The following GABRB3 variants were observed in gnomAD, a reference collection of about 807,000 sequenced individuals.
GABRB3 encodes the protein gamma-aminobutyric acid type A receptor subunit beta3.
GABRB3 carries 14 observed loss-of-function variants against 52.1 expected under a neutral mutation model. The observed-to-expected ratio is 0.27, with a 90% CI of 0.18 to 0.42. The LOEUF (loss-of-function observed/expected upper bound fraction) is 0.42. Among genes scored for constraint, GABRB3 ranks in the 10% least tolerant of loss-of-function variants. The probability of loss-of-function intolerance (pLI) is 1.00; values close to 1 mark genes in which losing one functional copy is unlikely to be tolerated. For synonymous variants in GABRB3, 260 were observed against 232.3 expected (o/e 1.12, Z -1.08); for missense variants, 307 against 609.1 (o/e 0.50, Z 5.22).
At chr15:26,723,706 C>T (rs183392099) in intron 3 of GABRB3, among the ~76,000 whole-genome samples, 1 of 152,232 alleles carries the variant, frequency 6.6e-6, no homozygotes, top group African/African-American at 2.4e-5. Flanking sequence ...ATATAGGTCA[C>T]CAGGAACGTG....
chr15:26,619,945 A>G (rs1382558573), intron 4 of GABRB3, among the ~76,000 whole-genome samples: 1 of 119,562 alleles, frequency 8.4e-6, no homozygotes, highest in Non-Finnish European at 1.8e-5. Context: ...CATACCGCAC[A>G]CACCCAAAAC....
chr15:26,715,721 T>C (rs891005438), intron 3 of GABRB3, among the ~76,000 whole-genome samples: 2 of 152,234 alleles, frequency 1.3e-5, no homozygotes, highest in African/African-American at 2.4e-5. Flanking sequence ...ATATTTAATA[T>C]ACTAATGATA....
chr15:26,616,984 C>T lies in GABRB3; in HGVS notation c.461+4330G>A, dbSNP rs543017385. Among the ~76,000 whole-genome samples the T allele has an allele frequency of 1.7e-4, 26 of 151,894 alleles. No individual in the cohort carries two copies. The South Asian group carries it at 5.2e-3, about 30-fold the overall frequency. ...AAAAAAAAACAAAAAGTGTATGTGT[C>T]GAGGAATTTATCCATCGACACATAC... On this transcript the variant is annotated intron_variant, in intron 4 of 8. Coordinates refer to ENST00000311550, the MANE Select transcript of GABRB3 (RefSeq NM_000814.6).
At chr15:26,760,445 G>A (rs1363360281) in intron 3 of GABRB3, among the ~76,000 whole-genome samples, 1 of 151,990 alleles carries the variant, frequency 6.6e-6, no homozygotes. Flanking sequence ...TACTGCAGAG[G>A]GTGAGCTTGA....
At chr15:26,590,939 C>T (rs1471567930) in intron 4 of GABRB3, among the ~76,000 whole-genome samples, 3 of 152,192 alleles carry the variant, frequency 2.0e-5, no homozygotes, top group African/African-American at 7.2e-5. Flanking sequence ...CATGCTTAGG[C>T]CCTAAGATGC....
At chr15:26,620,891 C>T (rs528434354) in intron 4 of GABRB3, among the ~76,000 whole-genome samples, 2 of 152,282 alleles carry the variant, frequency 1.3e-5, no homozygotes, top group Middle Eastern at 3.4e-3. Context: ...CTCAATAAAG[C>T]TCCGTAGAGA....
At position 26,558,970 on chromosome 15, in the gene GABRB3, C is replaced by A. The variant is rs942652190; in HGVS notation, c.1080+1962G>T. ...TGGCACCTCTTGGCTTCTGGGGAAG[C>A]CCCAGGAAACTTATAATCATGGCAG... On this transcript the variant is annotated intron_variant, in intron 8 of 8. Coordinates refer to ENST00000311550, the MANE Select transcript of GABRB3 (RefSeq NM_000814.6). 2.2e-4 allele frequency among the ~76,000 whole-genome samples: 33 copies of A among 152,144 alleles called. 1 individual carries two copies. Among genetic ancestry groups the A allele is most frequent in the Admixed American group, 1.9e-3 (29 of 15,278 alleles).
At chr15:26,718,030 A>C (rs1180034462) in intron 3 of GABRB3, among the ~76,000 whole-genome samples, 2 of 152,202 alleles carry the variant, frequency 1.3e-5, no homozygotes, top group Non-Finnish European at 2.9e-5. Flanking sequence ...AAAGAAAAAC[A>C]ACCAAAAAAA....
chr15:26,611,251 T>C (rs56959294), intron 4 of GABRB3, among the ~76,000 whole-genome samples: 25,547 of 152,114 alleles, frequency 0.17, 2,189 homozygotes, highest in African/African-American at 0.22. Context: ...AGGTGAACTT[T>C]TTGTGTAATT....
At chr15:26,622,338 G>C (rs1892514712) in intron 3 of GABRB3, among the ~76,000 whole-genome samples, 1 of 152,006 alleles carries the variant, frequency 6.6e-6, no homozygotes, top group Admixed American at 6.6e-5. Flanking sequence ...ACAAATCAGA[G>C]GCTAGACATG....
In GABRB3 at chr15:26,665,094, T is replaced by C. The variant is rs555183739; in HGVS notation, c.241-43560A>G. Among the ~76,000 whole-genome samples, 91 of 152,352 alleles carry C rather than the reference T, an allele frequency of 6.0e-4. No individual in the cohort carries two copies. In the South Asian group the frequency reaches 9.5e-3, roughly 16 times the overall value. On this transcript the variant is annotated intron_variant, in intron 3 of 8. Coordinates refer to ENST00000311550, the MANE Select transcript of GABRB3 (RefSeq NM_000814.6). ...ATTTTATATATAACATTTTATATTT[T>C]AGCATTTTAAAATTAAAGTATTTAA...
chr15:26,556,168 C>G (rs975838593), intron 8 of GABRB3, among the ~76,000 whole-genome samples: 1 of 152,112 alleles, frequency 6.6e-6, no homozygotes, highest in Non-Finnish European at 1.5e-5. Context: ...TAATTAGAAC[C>G]ATTGATTTCA....
intron 3 of GABRB3, among the ~76,000 whole-genome samples, chr15:26,759,683 T>A (rs1232784126): frequency 6.6e-6 from 1 of 152,250 alleles, no homozygotes; most frequent in South Asian, 2.1e-4. Flanking sequence ...ACCACACCCC[T>A]GTCCTCTTCC....
chr15:26,571,798 G>A (rs1174795353), intron 6 of GABRB3, among the ~76,000 whole-genome samples: 1 of 152,082 alleles, frequency 6.6e-6, no homozygotes, highest in African/African-American at 2.4e-5. Context: ...GTTAAAAGTA[G>A]AATGCCTTTG....
chr15:26,593,641 C>A (rs959320039), intron 4 of GABRB3, among the ~76,000 whole-genome samples: 2 of 151,930 alleles, frequency 1.3e-5, no homozygotes, highest in Non-Finnish European at 2.9e-5. Flanking sequence ...GTAGCATGTA[C>A]AAGAATTTCA....
chr15:26,610,868 G>T (rs1892043346), intron 4 of GABRB3, among the ~76,000 whole-genome samples: 1 of 152,192 alleles, frequency 6.6e-6, no homozygotes, highest in South Asian at 2.1e-4. Flanking sequence ...TTTTTGTCTG[G>T]GTTTTATATT....
intron 3 of GABRB3, among the ~76,000 whole-genome samples, chr15:26,632,133 C>G (rs1484855020): frequency 3.3e-5 from 5 of 152,212 alleles, no homozygotes; most frequent in Non-Finnish European, 5.9e-5. Flanking sequence ...TCTGTGAAGA[C>G]TGCCTGCCAC....
intron 3 of GABRB3, among the ~76,000 whole-genome samples, chr15:26,641,252 T>C (rs1893192713): frequency 1.3e-5 from 2 of 152,364 alleles, no homozygotes; most frequent in South Asian, 4.1e-4. Flanking sequence ...ACGCAGGACA[T>C]GAGGCGGAGA....
intron 6 of GABRB3, among the ~76,000 whole-genome samples, chr15:26,578,445 G>A (rs555552375): frequency 2.7e-4 from 41 of 152,312 alleles, no homozygotes; most frequent in Admixed American, 7.2e-4. Flanking sequence ...CCACATACCT[G>A]TAGTGCCTAT....
Sources: allele counts gnomAD v4.1 joint callset (sites outside exome capture counted in the v4.1 genomes callset), GRCh38; gene constraint gnomAD v4.1.1; transcripts MANE v1.5; gene names NCBI Gene and HGNC (gene_info 2026-07-23, HGNC 2026-07-21).